The following PLPP4 variants were observed in gnomAD, a reference collection of about 807,000 sequenced individuals.
PLPP4 encodes the protein diacylglycerol pyrophosphate like 2.
PLPP4 carries 20 observed loss-of-function variants against 32.2 expected under a neutral mutation model. The observed-to-expected ratio is 0.62, with a 90% CI of 0.44 to 0.90. The LOEUF is 0.90. PLPP4 is among the 40% of genes least tolerant of loss of function. The pLI is 0.00. For missense variants in PLPP4, 257 were observed against 353.1 expected, an observed-to-expected ratio of 0.73 and a Z score of 2.18; for synonymous variants, 127 against 133.0, an observed-to-expected ratio of 0.95 and a Z score of 0.31.
At chr10:120,526,309 G>A (rs1846388321) in intron 5 of PLPP4, among the ~76,000 whole-genome samples, 1 of 151,850 alleles carries the variant, frequency 6.6e-6, no homozygotes, top group Admixed American at 6.6e-5. Context: ...GTGTGTTTTT[G>A]TATCTAGCTT....
chr10:120,529,173 G>A (rs1465621184), intron 5 of PLPP4, among the ~76,000 whole-genome samples: 1 of 136,504 alleles, frequency 7.3e-6, no homozygotes, highest in African/African-American at 2.7e-5. Context: ...ATTTTTGGTT[G>A]TCACAAGTGT....
In PLPP4 at chr10:120,513,906, T is replaced by C. The variant is rs1254518703; in HGVS notation, c.166-5T>C. 1 of 1,612,048 alleles carries C rather than the reference T, an allele frequency of 6.2e-7. No homozygotes were observed. Among genetic ancestry groups the C allele is most frequent in the African/African-American group, 1.3e-5 (1 of 74,998 alleles). On this transcript the variant is annotated splice_polypyrimidine_tract_variant and splice_region_variant and intron_variant, in intron 2 of 6. Transcript: ENST00000398250. The stretch of plus-strand genomic sequence containing the variant: ...TCATAAGGGATTGTTTGTTATTTCT[T>C]CCAGGCAATTTCTTTCCTCACACCC...
intron 5 of PLPP4, among the ~76,000 whole-genome samples, chr10:120,562,795 T>C (rs1490696498): frequency 1.3e-5 from 2 of 152,216 alleles, no homozygotes; most frequent in African/African-American, 4.8e-5. Flanking sequence ...TTTAAGACTT[T>C]TGTAAATATG....
intron 5 of PLPP4, among the ~76,000 whole-genome samples, chr10:120,553,394 C>T (rs1219077197): frequency 5.9e-5 from 9 of 152,150 alleles, no homozygotes; most frequent in Non-Finnish European, 1.5e-5. Context: ...CTCTCTTGCC[C>T]CTTCCACCAT....
intron 6 of PLPP4, among the ~76,000 whole-genome samples, chr10:120,588,995 G>A (rs1564862022): frequency 2.0e-5 from 3 of 152,222 alleles, no homozygotes; most frequent in Admixed American, 6.5e-5. Context: ...GCAGTGAGGC[G>A]AGATTGCAGC....
At chr10:120,554,797 T>C (rs1848076258) in intron 5 of PLPP4, among the ~76,000 whole-genome samples, 2 of 152,102 alleles carry the variant, frequency 1.3e-5, no homozygotes, top group East Asian at 1.9e-4. Flanking sequence ...CCAGACCTCA[T>C]GGGAACTCAC....
At chr10:120,521,139 T>C (rs768278133) in intron 5 of PLPP4, 44 bp downstream of exon 5, 2 of 1,606,862 alleles carry the variant, frequency 1.2e-6, no homozygotes, top group East Asian at 4.5e-5. Context: ...CAGTCATGTT[T>C]CCTGCTCACT....
At chr10:120,539,541 G>A (rs1395048987) in intron 5 of PLPP4, among the ~76,000 whole-genome samples, 4 of 152,204 alleles carry the variant, frequency 2.6e-5, no homozygotes, top group African/African-American at 9.7e-5. Context: ...CTTGCTACCT[G>A]GAAGCTTGAG....
chr10:120,581,001 C>T (rs1849481444), intron 6 of PLPP4: 2 of 1,288,332 alleles, frequency 1.6e-6, no homozygotes, highest in African/African-American at 1.5e-5. Flanking sequence ...TCTAAGTCCA[C>T]CCGCCTCTGT....
At chr10:120,528,337 G>C (rs1006162200) in intron 5 of PLPP4, among the ~76,000 whole-genome samples, 1 of 152,070 alleles carries the variant, frequency 6.6e-6, no homozygotes, top group Non-Finnish European at 1.5e-5. Flanking sequence ...GCCTCCCAAA[G>C]TGCTGGGATT....
intron 5 of PLPP4, among the ~76,000 whole-genome samples, chr10:120,539,611 A>G (rs938001620): frequency 2.1e-5 from 3 of 146,310 alleles, no homozygotes; most frequent in Non-Finnish European, 3.0e-5. Flanking sequence ...CTTTTACTCC[A>G]GAGCCTGGAC....
rs10886695 is a variant in PLPP4 at position 120,469,291 on chromosome 10, C to A, written c.56+11930C>A. 5.7e-3 allele frequency among the ~76,000 whole-genome samples: 91 copies of A among 15,924 alleles called. 14 individuals are homozygous for A. The East Asian group carries it at 0.11, about 19-fold the overall frequency. The allele number at this position is 15,924 out of a possible 152,430, so 10.4% of individuals were successfully genotyped here. On this transcript the variant is annotated intron_variant, in intron 1 of 6. Transcript: ENST00000398250. The stretch of plus-strand genomic sequence containing the variant: ...CACCCAGGCTGGAGTGCAGTGGCAC[C>A]ATCTCAGCTCACTGCAAGCTCCACC...
chr10:120,586,835 C>T (rs1231265934), intron 6 of PLPP4, among the ~76,000 whole-genome samples: 3 of 152,074 alleles, frequency 2.0e-5, no homozygotes, highest in Non-Finnish European at 4.4e-5. Context: ...GGACTATTAA[C>T]ATGTGTAACT....
At chr10:120,485,911 A>G (rs899535084) in intron 1 of PLPP4, among the ~76,000 whole-genome samples, 3 of 152,132 alleles carry the variant, frequency 2.0e-5, no homozygotes, top group African/African-American at 7.2e-5. Context: ...TAAAAGCTCA[A>G]CGATGGAGCC....
intron 2 of PLPP4, 24 bp downstream of exon 2, chr10:120,503,950 T>TA: frequency 6.9e-7 from 1 of 1,450,504 alleles, no homozygotes; most frequent in Non-Finnish European, 9.7e-7. Context: ...TTTCATTCCT[T>TA]ATTTGACTGC....
Position 120,473,786 on chromosome 10 carries a change from G to C in PLPP4, c.56+16425G>C, listed in dbSNP as rs1008916715. Among the ~76,000 whole-genome samples the C allele has an allele frequency of 2.0e-5, 3 of 152,040 alleles. No homozygotes were observed. The East Asian group carries it at 5.8e-4, about 29-fold the overall frequency. The stretch of plus-strand genomic sequence containing the variant: ...TCCCCCTTCACTCTCTCTCTCCCCT[G>C]CTGCCAGGTGACGATGTGCTCGCTT... On this transcript the variant is annotated intron_variant, in intron 1 of 6. Coordinates refer to ENST00000398250, the MANE Select transcript of PLPP4 (RefSeq NM_001030059.3).
intron 5 of PLPP4, among the ~76,000 whole-genome samples, chr10:120,542,808 A>G (rs1847414145): frequency 6.6e-6 from 1 of 152,200 alleles, no homozygotes; most frequent in Non-Finnish European, 1.5e-5. Flanking sequence ...CATTGTGGGC[A>G]TTTGGATCAG....
At chr10:120,546,639 T>A (rs1216365527) in intron 5 of PLPP4, among the ~76,000 whole-genome samples, 3 of 152,110 alleles carry the variant, frequency 2.0e-5, no homozygotes, top group Non-Finnish European at 4.4e-5. Context: ...TCCTGCTCCT[T>A]CCCCCAACGC....
chr10:120,513,868 C>A (rs1305934693), intron 2 of PLPP4, 43 bp from the exon 3 acceptor site: 4 of 1,474,438 alleles, frequency 2.7e-6, no homozygotes, highest in Admixed American at 1.7e-5. Context: ...CTTCTGATAG[C>A]AAACTGATGT....
Sources: allele counts gnomAD v4.1 joint callset (sites outside exome capture counted in the v4.1 genomes callset), GRCh38; gene constraint gnomAD v4.1.1; transcripts MANE v1.5; gene names NCBI Gene and HGNC (gene_info 2026-07-23, HGNC 2026-07-21).